The following KDM4B variants were observed in gnomAD, a reference collection of about 807,000 sequenced individuals.
KDM4B encodes lysine-specific demethylase 4B.
KDM4B carries 32 observed loss-of-function variants against 125.2 expected under a neutral mutation model. That is an observed-to-expected ratio of 0.26 (90% CI 0.19 to 0.34). The LOEUF is 0.34. KDM4B is among the 10% of genes least tolerant of loss of function. The pLI, the probability that KDM4B is intolerant of heterozygous loss-of-function variation, is 1.00. For synonymous variants in KDM4B, 721 were observed against 677.9 expected (o/e 1.06, Z -0.99); for missense variants, 1,190 against 1,577.7 (o/e 0.75, Z 4.16).
At position 4,987,612 on chromosome 19, in the gene KDM4B, G is replaced by A. The variant is rs144053643; in HGVS notation, c.-109+18382G>A. Among the ~76,000 whole-genome samples, 75 of 152,328 alleles carry A rather than the reference G, an allele frequency of 4.9e-4. 1 individual carries two copies. Among genetic ancestry groups the A allele is most frequent in the African/African-American group, 1.7e-3 (71 of 41,578 alleles). On this transcript the variant is annotated intron_variant, in intron 1 of 22. Transcript: ENST00000159111. ...AGGCTGATACCCTTTGGATTTAGCG[G>A]TCTTTTATTAAGGTGAACTTTTAGA...
chr19:5,077,104 CG>C (rs993308879), intron 7 of KDM4B: 2 of 515,746 alleles, frequency 3.9e-6, no homozygotes, highest in African/African-American at 1.9e-5. Flanking sequence ...ATGGTCACTG[CG>C]CAGAGGCCAG....
intron 2 of KDM4B, among the ~76,000 whole-genome samples, chr19:5,032,471 C>T (rs772071098): frequency 6.0e-4 from 92 of 152,340 alleles, no homozygotes; most frequent in Non-Finnish European, 1.2e-3. Flanking sequence ...TTCGAAAACC[C>T]GCAGATGCCG....
chr19:5,048,652 T>C (rs1298735410), intron 6 of KDM4B, among the ~76,000 whole-genome samples: 1 of 151,402 alleles, frequency 6.6e-6, no homozygotes, highest in Admixed American at 6.6e-5. Context: ...AAAAGCACAA[T>C]GAGCAGGAAG....
intron 3 of KDM4B, 64 bp downstream of exon 3, chr19:5,033,095 C>T: frequency 3.8e-6 from 6 of 1,574,482 alleles, no homozygotes; most frequent in Non-Finnish European, 5.2e-6. Context: ...TGCGGACATC[C>T]TGGGTCCCAG....
At chr19:5,104,426 C>A (rs147735634) in intron 9 of KDM4B, among the ~76,000 whole-genome samples, 1 of 151,668 alleles carries the variant, frequency 6.6e-6, no homozygotes, top group Non-Finnish European at 1.5e-5. Context: ...AGTTGGAAAC[C>A]GTTTTGCTCT....
intron 1 of KDM4B, among the ~76,000 whole-genome samples, chr19:4,984,861 T>C (rs1337119803): frequency 3.3e-5 from 5 of 152,162 alleles, no homozygotes; most frequent in Non-Finnish European, 7.4e-5. Flanking sequence ...CCTGGGGGTC[T>C]GGCACCTGCT....
intron 14 of KDM4B, 38 bp downstream of exon 14, chr19:5,134,099 G>T: frequency 6.5e-7 from 1 of 1,549,510 alleles, no homozygotes; most frequent in Non-Finnish European, 8.7e-7. Flanking sequence ...GAGAACCCCA[G>T]GCAGGGGCGG....
intron 1 of KDM4B, among the ~76,000 whole-genome samples, chr19:4,977,349 T>A (rs912779893): frequency 6.6e-6 from 1 of 152,168 alleles, no homozygotes; most frequent in African/African-American, 2.4e-5. Flanking sequence ...AGGTGCACAG[T>A]GACAGTCACT....
At chr19:5,025,232 A>T (rs545168153) in intron 2 of KDM4B, among the ~76,000 whole-genome samples, 6 of 152,244 alleles carry the variant, frequency 3.9e-5, no homozygotes, top group Non-Finnish European at 8.8e-5. Flanking sequence ...CTATAATCCC[A>T]GCACTTTGGG....
intron 9 of KDM4B, among the ~76,000 whole-genome samples, chr19:5,084,247 A>G (rs1261645023): frequency 6.7e-6 from 1 of 148,702 alleles, no homozygotes; most frequent in Non-Finnish European, 1.5e-5. Context: ...AACTGTCTCA[A>G]AAAAAAATAC....
intron 1 of KDM4B, among the ~76,000 whole-genome samples, chr19:4,973,917 G>T (rs2034351489): frequency 6.6e-6 from 1 of 150,754 alleles, no homozygotes; most frequent in Non-Finnish European, 1.5e-5. Flanking sequence ...ATCACCTGAG[G>T]TCAGGAGTTC....
Position 5,046,082 on chromosome 19 carries a change from T to C in KDM4B, c.433-1394T>C, listed in dbSNP as rs2037015879. Among the ~76,000 whole-genome samples the C allele has an allele frequency of 1.3e-5, 2 of 152,214 alleles. 1 individual carries two copies. Among genetic ancestry groups the C allele is most frequent in the South Asian group, 4.1e-4 (2 of 4,828 alleles). ...TTCAAGTGAAAGTTCAGCCTCAGACTCCAGTGCATGAGAGCCTCTGGGTTG... is the reference window on the plus strand; with the variant it reads ...TTCAAGTGAAAGTTCAGCCTCAGACCCCAGTGCATGAGAGCCTCTGGGTTG... On this transcript the variant is annotated intron_variant, in intron 5 of 22. Transcript: ENST00000159111.
At chr19:5,076,201 G>A (rs1196511092) in intron 7 of KDM4B, 2 of 56,918 alleles carry the variant, frequency 3.5e-5, no homozygotes, top group Non-Finnish European at 6.5e-5. Context: ...ACCGAGTGAC[G>A]AGAGCGGCCA....
At chr19:5,106,763 G>C (rs367595066) in intron 9 of KDM4B, among the ~76,000 whole-genome samples, 1 of 152,196 alleles carries the variant, frequency 6.6e-6, no homozygotes, top group Admixed American at 6.5e-5. Flanking sequence ...GCACCAAGAG[G>C]GGGGGCCTTG....
intron 1 of KDM4B, among the ~76,000 whole-genome samples, chr19:4,990,688 T>G (rs1219805615): frequency 6.6e-6 from 1 of 152,224 alleles, no homozygotes; most frequent in East Asian, 1.9e-4. Flanking sequence ...CTCTCCGGCC[T>G]TTGTTTTGGG....
At position 5,035,720 on chromosome 19, in the gene KDM4B, TC is replaced by T. The variant is rs1042906596; in HGVS notation, c.141+2692del. Among the ~76,000 whole-genome samples the T allele has an allele frequency of 3.0e-4, 45 of 152,120 alleles. No homozygotes were observed. Among genetic ancestry groups the T allele is most frequent in the Non-Finnish European group, 5.4e-4 (37 of 67,984 alleles). Reference sequence around the variant, plus strand: ...CCTGCCTTGCGTTCTGCGTGTTCCTTCCCATGCCTCTGCAGCGGCAGCTCCC... The same window carrying T: ...CCTGCCTTGCGTTCTGCGTGTTCCTTCCATGCCTCTGCAGCGGCAGCTCCC... On this transcript the variant is annotated intron_variant, in intron 3 of 22. Coordinates refer to ENST00000159111, the MANE Select transcript of KDM4B (RefSeq NM_015015.3). This position sits in a 1 kb window ranked among gnomAD's most constrained non-coding sequence, Gnocchi z 5.3.
chr19:4,980,567 G>A (rs113137461), intron 1 of KDM4B, among the ~76,000 whole-genome samples: 9,345 of 151,662 alleles, frequency 0.062, 935 homozygotes, highest in African/African-American at 0.21. Context: ...GGGATTACAG[G>A]CACCTGCCAC....
At chr19:5,106,149 G>C in intron 9 of KDM4B, among the ~76,000 whole-genome samples, 1 of 152,188 alleles carries the variant, frequency 6.6e-6, no homozygotes, top group African/African-American at 2.4e-5. Context: ...TTCTGTCATT[G>C]AAAGCGTCCT....
intron 2 of KDM4B, among the ~76,000 whole-genome samples, chr19:5,030,063 G>GC: frequency 6.6e-6 from 1 of 152,336 alleles, no homozygotes; most frequent in African/African-American, 2.4e-5. Context: ...TTCCAGACGA[G>GC]CCCCCGCAAC....
Sources: gnomAD v4.1 joint callset for allele counts (sites outside exome capture counted in the v4.1 genomes callset) on GRCh38, gnomAD v4.1.1 for gene constraint, Gnocchi (gnomAD v3.1) non-coding constraint, MANE v1.5 for transcripts, NCBI Gene and HGNC (gene_info 2026-07-23, HGNC 2026-07-21) for gene names.